NLGN1: variants seen among roughly 807,000 people sequenced by gnomAD.
NLGN1 encodes neuroligin 1.
In NLGN1, 12 loss-of-function variants were observed where a neutral mutation model predicts 65.5. The ratio of observed to expected loss-of-function variants is 0.18; its 90% CI spans 0.12 to 0.30. NLGN1 has a LOEUF of 0.30. Ranked by LOEUF, NLGN1 falls within the 10% of genes least tolerant of loss-of-function variation. The probability of loss-of-function intolerance (pLI) is 1.00; values close to 1 mark genes in which losing one functional copy is unlikely to be tolerated. For synonymous variants in NLGN1, 350 were observed against 359.5 expected (o/e 0.97, Z 0.30); for missense variants, 750 against 1,007.1 (o/e 0.74, Z 3.46).
chr3:174,114,042 C>T (rs972407227), intron 4 of NLGN1, among the ~76,000 whole-genome samples: 3 of 152,086 alleles, frequency 2.0e-5, no homozygotes, highest in Non-Finnish European at 4.4e-5. Flanking sequence ...TTTATTTTCC[C>T]CTCCTTTATT....
At chr3:174,049,942 A>C (rs987029067) in intron 4 of NLGN1, among the ~76,000 whole-genome samples, 2 of 152,028 alleles carry the variant, frequency 1.3e-5, no homozygotes, top group African/African-American at 2.4e-5. Context: ...GGGAGTTAAG[A>C]CTGATAAAAG....
chr3:173,603,962 A>G lies in NLGN1; in HGVS notation c.-320-317A>G, dbSNP rs894203581. Among the ~76,000 whole-genome samples the G allele has an allele frequency of 6.6e-5, 10 of 152,268 alleles. No homozygotes were observed. In the South Asian group the frequency reaches 1.4e-3, roughly 22 times the overall value. Reference sequence around the variant, plus strand: ...CTATTGCTTGAAGTGATTGAAGACTATTAATAAAGTATAAATTTCACACCT... The same window carrying G: ...CTATTGCTTGAAGTGATTGAAGACTGTTAATAAAGTATAAATTTCACACCT... On this transcript the variant is annotated intron_variant, in intron 2 of 6. Transcript: ENST00000457714.
At chr3:173,507,871 C>T (rs1732289147) in intron 2 of NLGN1, among the ~76,000 whole-genome samples, 1 of 152,092 alleles carries the variant, frequency 6.6e-6, no homozygotes, top group South Asian at 2.1e-4. Context: ...ACTTCTGGCT[C>T]CTTTGTTAAA....
At chr3:173,434,748 A>C (rs1183070874) in intron 1 of NLGN1, among the ~76,000 whole-genome samples, 1 of 152,226 alleles carries the variant, frequency 6.6e-6, no homozygotes, top group Non-Finnish European at 1.5e-5. Context: ...GTAGTTATTT[A>C]TCCAATTTTC....
In NLGN1 at chr3:173,492,987, G is replaced by A. The variant is rs754473728; in HGVS notation, c.-321+57909G>A. ...CTCTAGCTCCAGGTCATTGTCAGTG[G>A]CCCCTGAAACATATTATTATTATAT... is the stretch of plus-strand genomic sequence containing the variant. On this transcript the variant is annotated intron_variant, in intron 2 of 6. Coordinates refer to ENST00000457714, the Ensembl canonical transcript of NLGN1. 1.1e-4 allele frequency among the ~76,000 whole-genome samples: 16 copies of A among 151,664 alleles called. 1 individual carries two copies. The highest frequency in any genetic ancestry group is 1.5e-4 in the Non-Finnish European group (10 of 68,014).
exon 3 of NLGN1, chr3:173,604,286 A>G (rs9833711): frequency 0.028 from 9,122 of 330,152 alleles, 785 homozygotes; most frequent in African/African-American, 0.18. Context: ...TAGGATATAG[A>G]CCTGCAGCTA....
chr3:173,489,615 G>GAA (rs1486590800), intron 2 of NLGN1, among the ~76,000 whole-genome samples: 1 of 152,092 alleles, frequency 6.6e-6, no homozygotes, highest in East Asian at 1.9e-4. Flanking sequence ...TGGGATGGCT[G>GAA]GGTCAAATGG....
intron 4 of NLGN1, among the ~76,000 whole-genome samples, chr3:174,025,656 C>A (rs1389890957): frequency 6.6e-6 from 1 of 151,960 alleles, no homozygotes; most frequent in Non-Finnish European, 1.5e-5. Context: ...TATAACAATG[C>A]AATATTTTAT....
chr3:173,894,615 T>C (rs1735998533), intron 4 of NLGN1, among the ~76,000 whole-genome samples: 2 of 145,628 alleles, frequency 1.4e-5, no homozygotes, highest in Admixed American at 1.4e-4. Context: ...ATAAATTTCT[T>C]TTCTTTTTTT....
intron 4 of NLGN1, among the ~76,000 whole-genome samples, chr3:174,034,565 C>T (rs138651208): frequency 1.3e-5 from 2 of 152,024 alleles, no homozygotes; most frequent in East Asian, 3.9e-4. Context: ...GGGAATACTC[C>T]GTTATAAATC....
chr3:173,410,672 T>C (rs1326892173), intron 1 of NLGN1, among the ~76,000 whole-genome samples: 1 of 152,244 alleles, frequency 6.6e-6, no homozygotes, highest in Non-Finnish European at 1.5e-5. Flanking sequence ...GAGTATTTAA[T>C]AGGTGCCTTT....
At chr3:173,751,452 G>A (rs1461154022) in intron 3 of NLGN1, among the ~76,000 whole-genome samples, 1 of 151,924 alleles carries the variant, frequency 6.6e-6, no homozygotes, top group East Asian at 1.9e-4. Flanking sequence ...TTTGCCATGT[G>A]TTGTAAAAGT....
At chr3:174,008,538 T>G (rs1282856752) in intron 4 of NLGN1, among the ~76,000 whole-genome samples, 1 of 151,936 alleles carries the variant, frequency 6.6e-6, no homozygotes, top group Admixed American at 6.6e-5. Context: ...AAAGCAAGAG[T>G]ACCTCACTCT....
chr3:173,888,132 A>C (rs528382710), intron 4 of NLGN1, among the ~76,000 whole-genome samples: 1 of 151,964 alleles, frequency 6.6e-6, no homozygotes, highest in African/African-American at 2.4e-5. Context: ...TCTATTCCCA[A>C]GTCTCTCAAT....
chr3:174,092,415 A>G (rs1744692033), intron 4 of NLGN1, among the ~76,000 whole-genome samples: 1 of 152,202 alleles, frequency 6.6e-6, no homozygotes, highest in Admixed American at 6.5e-5. Flanking sequence ...AGATGAAATG[A>G]GGATTTTGGC....
chr3:173,682,709 A>C (rs1437035744), intron 3 of NLGN1, among the ~76,000 whole-genome samples: 1 of 152,130 alleles, frequency 6.6e-6, no homozygotes, highest in Non-Finnish European at 1.5e-5. Flanking sequence ...GAATTTTTGC[A>C]ATCAGACCTT....
chr3:174,126,336 G>A (rs1334828879), intron 4 of NLGN1, among the ~76,000 whole-genome samples: 1 of 151,986 alleles, frequency 6.6e-6, no homozygotes, highest in Non-Finnish European at 1.5e-5. Flanking sequence ...ATAGTGTAGA[G>A]GAAAGAAAAT....
intron 2 of NLGN1, among the ~76,000 whole-genome samples, chr3:173,576,584 G>T (rs1745534468): frequency 6.6e-6 from 1 of 151,948 alleles, no homozygotes; most frequent in African/African-American, 2.4e-5. Context: ...CCTCATCTCT[G>T]TTTCTGTTAT....
intron 4 of NLGN1, among the ~76,000 whole-genome samples, chr3:174,234,948 T>C (rs1247275605): frequency 8.0e-5 from 12 of 150,224 alleles, no homozygotes; most frequent in Admixed American, 7.3e-4. Context: ...TTTATATATA[T>C]ATCATCCTTC....
Sources: gnomAD v4.1 joint callset for allele counts (sites outside exome capture counted in the v4.1 genomes callset) on GRCh38, gnomAD v4.1.1 for gene constraint, MANE v1.5 for transcripts, NCBI Gene and HGNC (gene_info 2026-07-23, HGNC 2026-07-21) for gene names.